Variants in DNAJC2 observed in about 807,000 individuals in gnomAD.
DNAJC2 encodes the protein dnaJ homolog subfamily C member 2.
Under a neutral mutation model 94.0 loss-of-function variants are expected in DNAJC2, and 32 were observed. That is an observed-to-expected ratio of 0.34 (90% confidence interval 0.26 to 0.46). DNAJC2 has a LOEUF of 0.46. Among genes scored for constraint, DNAJC2 ranks in the 20% least tolerant of loss-of-function variants. The probability of loss-of-function intolerance (pLI) is 1.00; values close to 1 mark genes in which losing one functional copy is unlikely to be tolerated. For synonymous variants in DNAJC2, 210 were observed against 229.7 expected, an observed-to-expected ratio of 0.91 and a Z score of 0.77; for missense variants, 550 against 719.5, an observed-to-expected ratio of 0.76 and a Z score of 2.69.
At chr7:103,326,471 G>T in intron 5 of DNAJC2, 72 bp downstream of exon 5, 1 of 1,451,676 alleles carries the variant, frequency 6.9e-7, no homozygotes, top group Non-Finnish European at 9.6e-7. Context: ...CAGAGGGAAA[G>T]AGCAGAAACC....
intron 6 of DNAJC2, among the ~76,000 whole-genome samples, 169 bp downstream of exon 6, chr7:103,324,313 T>C (rs1355951958): frequency 3.3e-5 from 5 of 152,196 alleles, no homozygotes; most frequent in African/African-American, 1.2e-4. Context: ...AGAAATCTCA[T>C]TAATAGAAAA....
In DNAJC2 at chr7:103,341,847, C is replaced by G. The variant is rs185110980; in HGVS notation, c.172G>C (p.Glu58Gln). Reference sequence around the variant, plus strand: ...TCATCTTCTGATTCCTCGGATAACTCTTTCTTATCCTCCAGTTCCTGAAAA... The same window carrying G: ...TCATCTTCTGATTCCTCGGATAACTGTTTCTTATCCTCCAGTTCCTGAAAA... ...ASFQELEDKK[E>Q]LSEESEDEEL... Residue 58 changes from glutamate (E) to glutamine (Q), a missense_variant, in exon 2 of 17, where the codon GAG becomes CAG. By Grantham distance (29) the Glu-to-Gln change is conservative (BLOSUM62 2). Coordinates refer to ENST00000379263, the MANE Select transcript of DNAJC2 (RefSeq NM_014377.3). 4.3e-6 allele frequency: 7 copies of G among 1,612,850 alleles called. No individual in the cohort carries two copies. In the East Asian group the frequency reaches 1.3e-4, roughly 31 times the overall value.
At chr7:103,313,403 A>T in intron 15 of DNAJC2, 1 of 984,172 alleles carries the variant, frequency 1.0e-6, no homozygotes. Context: ...GTAAAAAGCC[A>T]TATTTAAATT....
chr7:103,313,876 G>T, intron 15 of DNAJC2: 3 of 985,370 alleles, frequency 3.0e-6, no homozygotes, highest in Non-Finnish European at 3.6e-6. Context: ...TTAAGTTAAT[G>T]GACTTCTGGC....
At chr7:103,318,689 C>T (rs937741489) in intron 12 of DNAJC2, among the ~76,000 whole-genome samples, 1 of 152,086 alleles carries the variant, frequency 6.6e-6, no homozygotes, top group Non-Finnish European at 1.5e-5. Context: ...AATTTCTGGG[C>T]CTGTTTTCTT....
rs536940677 is a variant in DNAJC2, at chr7:103,332,348, A to G, written c.332-4594T>C. On this transcript the variant is annotated intron_variant, in intron 3 of 16. Coordinates refer to ENST00000379263, the MANE Select transcript of DNAJC2 (RefSeq NM_014377.3). Reference sequence around the variant, plus strand: ...ACATTTTAACTGGTTTTTCTTTTTCATTATATTAATAGGAATTGTTTGTAG... The same window carrying G: ...ACATTTTAACTGGTTTTTCTTTTTCGTTATATTAATAGGAATTGTTTGTAG... Among the ~76,000 whole-genome samples, 11 of 152,160 alleles carry G rather than the reference A, an allele frequency of 7.2e-5. No homozygotes were observed. In the South Asian group the frequency reaches 1.9e-3, roughly 26 times the overall value.
rs1004824313 is a variant in DNAJC2 at position 103,343,060 on chromosome 7, C to T, written c.65-1106G>A. 2.6e-5 allele frequency among the ~76,000 whole-genome samples: 4 copies of T among 151,920 alleles called. No individual in the cohort carries two copies. The East Asian group carries it at 5.8e-4, about 22-fold the overall frequency. ...TGTTGTCCAGGCTGTAGTGCAATAG[C>T]GCAATCTCGGCTCACTGCAACCTCC... On this transcript the variant is annotated intron_variant, in intron 1 of 16. Transcript: ENST00000379263.
Position 103,312,603 on chromosome 7 carries a change from T to G in DNAJC2, c.1832A>C (p.Glu611Ala). ...GGCTCTACTTGCATTCAGCACTTGTTCTTGAGCAGCTTTCTTTGCTTTTAC... is the reference window on the plus strand; with the variant it reads ...GGCTCTACTTGCATTCAGCACTTGTGCTTGAGCAGCTTTCTTTGCTTTTAC... ...EMVKAKKAAQ[E>A]QVLNASRAKK The change falls in exon 17 of 17, where the codon GAA (glutamate) becomes GCA (alanine). Residue 611 changes from glutamate (E) to alanine (A), a missense_variant. Coordinates refer to ENST00000379263, the MANE Select transcript of DNAJC2 (RefSeq NM_014377.3). The G allele has an allele frequency of 1.2e-6, 2 of 1,613,734 alleles. No homozygotes were observed. The highest frequency in any genetic ancestry group is 1.7e-6 in the Non-Finnish European group (2 of 1,179,848).
At position 103,320,093 on chromosome 7, in the gene DNAJC2, ACTTTTT is replaced by A. The variant is rs370722417; in HGVS notation, c.1084-255_1084-250del. 7.7e-3 allele frequency among the ~76,000 whole-genome samples: 1,166 copies of A among 152,218 alleles called. 20 individuals carry two copies. Among genetic ancestry groups the A allele is most frequent in the African/African-American group, 0.027 (1,126 of 41,554 alleles). On this transcript the variant is annotated intron_variant, in intron 10 of 16. Coordinates refer to ENST00000379263, the MANE Select transcript of DNAJC2 (RefSeq NM_014377.3). Reference sequence around the variant, plus strand: ...TTTTATCTCAGTGTAAATGTTTTTAACTTTTTCTTTTCTTTGAGACGGAGTCTCACT... The same window carrying A: ...TTTTATCTCAGTGTAAATGTTTTTAACTTTTCTTTGAGACGGAGTCTCACT...
chr7:103,331,544 T>TTCTATCTACTACCTCCACGAGATCAAC (rs1818972007), intron 3 of DNAJC2, among the ~76,000 whole-genome samples: 1 of 152,180 alleles, frequency 6.6e-6, no homozygotes. Flanking sequence ...GTATCTATCA[T>TTCTATCTACTACCTCCACGAGATCAAC]TCTATCTACT....
chr7:103,336,688 C>T (rs1041201085), intron 3 of DNAJC2: 6 of 152,314 alleles, frequency 3.9e-5, no homozygotes, highest in South Asian at 2.1e-4. Context: ...AACACTTGTA[C>T]GTGGCAAATG....
intron 1 of DNAJC2, among the ~76,000 whole-genome samples, 192 bp from the exon 2 acceptor site, chr7:103,342,146 T>C (rs961106960): frequency 2.0e-5 from 3 of 152,212 alleles, no homozygotes; most frequent in Non-Finnish European, 2.9e-5. Flanking sequence ...TTTCCTAGTA[T>C]TAAAGAGTAT....
rs571970058 is a variant in DNAJC2, at chr7:103,337,686, C to A, written c.331+50G>T. The A allele has an allele frequency of 1.1e-5, 15 of 1,406,072 alleles. No homozygotes were observed. The East Asian group carries it at 3.2e-4, about 30-fold the overall frequency. The allele number at this position is 1,406,072 out of a possible 1,614,324, so 87.1% of individuals were successfully genotyped here. A position where few individuals can be genotyped will look rare whatever the true frequency, so the allele number is the denominator to read the frequency against. On this transcript the variant is annotated intron_variant, in intron 3 of 16. Transcript: ENST00000379263. The stretch of plus-strand genomic sequence containing the variant: ...TATATCTTTTAAAAAGCATAGCCAG[C>A]CTGTTCCTATACAAGATATTTGATT...
intron 6 of DNAJC2, among the ~76,000 whole-genome samples, chr7:103,324,044 C>T (rs1376744902): frequency 1.3e-5 from 2 of 152,078 alleles, no homozygotes; most frequent in Non-Finnish European, 1.5e-5. Context: ...AGAACTAAAT[C>T]TTGTTATTTT....
chr7:103,334,433 G>A (rs1367268759), intron 3 of DNAJC2, among the ~76,000 whole-genome samples: 2 of 151,780 alleles, frequency 1.3e-5, no homozygotes, highest in South Asian at 4.2e-4. Flanking sequence ...CATGTTGGCA[G>A]GTGCCTGTAA....
intron 3 of DNAJC2, 57 bp downstream of exon 3, chr7:103,337,679 T>C (rs1441009343): frequency 7.4e-7 from 1 of 1,356,558 alleles, no homozygotes. Flanking sequence ...TTAAAAAGCA[T>C]AGCCAGCCTG....
intron 12 of DNAJC2, among the ~76,000 whole-genome samples, chr7:103,319,309 C>T (rs1392437668): frequency 8.5e-5 from 13 of 152,078 alleles, no homozygotes; most frequent in Non-Finnish European, 1.8e-4. Flanking sequence ...TGGTGTTGTG[C>T]GCCTATAATC....
intron 3 of DNAJC2, chr7:103,329,110 T>C (rs1818858615): frequency 1.8e-6 from 1 of 546,702 alleles, no homozygotes; most frequent in African/African-American, 2.0e-5. Flanking sequence ...TTTCATCCTT[T>C]AACTGGAAAA....
chr7:103,312,438 G>GTCTT lies in DNAJC2; in HGVS notation c.*127_*130dup, dbSNP rs1367468963. 1.3e-5 allele frequency: 20 copies of GTCTT among 1,516,932 alleles called. No individual in the cohort carries two copies. The highest frequency in any genetic ancestry group is 1.7e-5 in the Non-Finnish European group (19 of 1,141,342). 94.0% of individuals were successfully genotyped at this position (1,516,932 alleles called of 1,614,324 possible). A position where few individuals can be genotyped will look rare whatever the true frequency, so the allele number is the denominator to read the frequency against. On this transcript the variant is annotated 3_prime_UTR_variant, in exon 17 of 17. Transcript: ENST00000379263. ...GAAGGTTGTTTTGTATTAATGGTCA[G>GTCTT]TCTTTGTTCTCTGAGAAATTATGTT...
Sources: gnomAD v4.1 joint callset for allele counts (sites outside exome capture counted in the v4.1 genomes callset) on GRCh38, gnomAD v4.1.1 for gene constraint, MANE v1.5 for transcripts, NCBI Gene and HGNC (gene_info 2026-07-23, HGNC 2026-07-21) for gene names.